The following HHAT variants were observed in gnomAD, a reference collection of about 807,000 sequenced individuals.
The protein encoded by HHAT is hedgehog acyltransferase, also known as protein-cysteine N-palmitoyltransferase HHAT.
Under a neutral mutation model 70.8 loss-of-function variants are expected in HHAT, and 47 were observed. The ratio of observed to expected loss-of-function variants is 0.66; its 90% confidence interval spans 0.53 to 0.85. The LOEUF is 0.85. Among genes scored for constraint, HHAT ranks in the 40% least tolerant of loss-of-function variants. The pLI is 0.00. For missense variants in HHAT, 609 were observed against 604.8 expected (o/e 1.01, Z -0.07); for synonymous variants, 228 against 247.6 (o/e 0.92, Z 0.74).
At chr1:210,426,637 A>G (rs942559836) in intron 7 of HHAT, among the ~76,000 whole-genome samples, 1 of 152,116 alleles carries the variant, frequency 6.6e-6, no homozygotes, top group East Asian at 1.9e-4. Context: ...TTTGTAATGA[A>G]TTACATTTAT....
At chr1:210,509,391 T>TTG (rs1291998470) in intron 8 of HHAT, among the ~76,000 whole-genome samples, 1 of 152,138 alleles carries the variant, frequency 6.6e-6, no homozygotes, top group African/African-American at 2.4e-5. Flanking sequence ...ATAACAAAAC[T>TTG]CAGGAAGTTA....
intron 11 of HHAT, among the ~76,000 whole-genome samples, chr1:210,664,544 T>A (rs1041500413): frequency 6.6e-6 from 1 of 152,202 alleles, no homozygotes; most frequent in African/African-American, 2.4e-5. Context: ...TAGGGTCTGG[T>A]GCATGAGGCA....
chr1:210,385,607 G>T (rs1295887395), intron 3 of HHAT, among the ~76,000 whole-genome samples: 1 of 152,188 alleles, frequency 6.6e-6, no homozygotes, highest in African/African-American at 2.4e-5. Context: ...TTATGAGCAG[G>T]TCATGTATCA....
intron 3 of HHAT, chr1:210,374,264 G>C (rs192434460): frequency 7.9e-4 from 100 of 126,566 alleles, no homozygotes; most frequent in African/African-American, 2.8e-3. Context: ...AGAGAAACCA[G>C]TGTAATGCTA....
chr1:210,496,355 A>C (rs992351406), intron 8 of HHAT, among the ~76,000 whole-genome samples: 8 of 152,184 alleles, frequency 5.3e-5, no homozygotes, highest in Non-Finnish European at 1.5e-5. Context: ...ATGACCTAAG[A>C]CAGAACAAGA....
chr1:210,547,495 G>T (rs769364850), intron 9 of HHAT, among the ~76,000 whole-genome samples: 1 of 152,132 alleles, frequency 6.6e-6, no homozygotes, highest in Non-Finnish European at 1.5e-5. Context: ...AGTAGATCCT[G>T]GTCCCTCAGT....
chr1:210,362,468 GC>G (rs896012039), intron 2 of HHAT, among the ~76,000 whole-genome samples: 1 of 152,080 alleles, frequency 6.6e-6, no homozygotes, highest in Non-Finnish European at 1.5e-5. Flanking sequence ...CTTGTAATCC[GC>G]CCGTCTTGGC....
Position 210,674,641 on chromosome 1 carries a change from A to C in HHAT, c.*262A>C, listed in dbSNP as rs900926863. The C allele has an allele frequency of 1.7e-5, 7 of 413,870 alleles. No individual in the cohort carries two copies. The highest frequency in any genetic ancestry group is 3.0e-5 in the Non-Finnish European group (7 of 232,032). 25.6% of individuals were successfully genotyped at this position (413,870 alleles called of 1,614,324 possible). On this transcript the variant is annotated 3_prime_UTR_variant, in exon 12 of 12. Coordinates refer to ENST00000261458, the MANE Select transcript of HHAT (RefSeq NM_018194.6). ...TCCAGGGCAGTCGTGTGTCTTACCC[A>C]GCTACACAGGGTGACATTTTGGTCT...
intron 10 of HHAT, among the ~76,000 whole-genome samples, chr1:210,602,494 A>T (rs1664497122): frequency 6.6e-6 from 1 of 152,168 alleles, no homozygotes; most frequent in Admixed American, 6.5e-5. Context: ...CGCTACCTGA[A>T]GTCAGGCATG....
intron 11 of HHAT, among the ~76,000 whole-genome samples, chr1:210,644,631 ATAG>A (rs1573963527): frequency 6.7e-6 from 1 of 150,312 alleles, no homozygotes; most frequent in African/African-American, 2.4e-5. Context: ...AAAAAAAGTA[ATAG>A]TAGTCTTGGG....
At chr1:210,545,196 C>T (rs898023314) in intron 9 of HHAT, among the ~76,000 whole-genome samples, 1 of 152,170 alleles carries the variant, frequency 6.6e-6, no homozygotes, top group Admixed American at 6.5e-5. Context: ...ATAAAATTCT[C>T]CTTGTTCAGG....
In HHAT at chr1:210,550,108, A is replaced by C. The variant is rs1182122236; in HGVS notation, c.1043+36920A>C. On this transcript the variant is annotated intron_variant, in intron 9 of 11. Coordinates refer to ENST00000261458, the MANE Select transcript of HHAT (RefSeq NM_018194.6). ...GTTCTTTCTACTTCTGATCATCTAA[A>C]CTCCACTCATCCTTTCATGCCTAGC... 2.7e-5 allele frequency among the ~76,000 whole-genome samples: 4 copies of C among 148,262 alleles called. 1 individual carries two copies. The highest frequency in any genetic ancestry group is 1.0e-4 in the African/African-American group (4 of 39,952).
intron 11 of HHAT, chr1:210,631,011 T>G (rs779898848): frequency 2.9e-5 from 13 of 448,464 alleles, no homozygotes; most frequent in South Asian, 3.2e-5. Flanking sequence ...TTTATTTTTA[T>G]TTTTTTTACT....
chr1:210,595,251 T>C (rs1662701509), intron 10 of HHAT, among the ~76,000 whole-genome samples: 2 of 152,190 alleles, frequency 1.3e-5, no homozygotes, highest in African/African-American at 2.4e-5. Flanking sequence ...TTGCTGAGAA[T>C]GATGGTTTCC....
At chr1:210,361,115 A>G (rs1017340396) in intron 2 of HHAT, among the ~76,000 whole-genome samples, 5 of 152,230 alleles carry the variant, frequency 3.3e-5, no homozygotes, top group African/African-American at 7.2e-5. Flanking sequence ...AATCCCGTGT[A>G]ACTCTGATGT....
At chr1:210,648,150 C>T (rs1674443395) in intron 11 of HHAT, among the ~76,000 whole-genome samples, 1 of 152,194 alleles carries the variant, frequency 6.6e-6, no homozygotes, top group African/African-American at 2.4e-5. Context: ...AGCCACTTGC[C>T]TTTCCCTTTG....
intron 9 of HHAT, among the ~76,000 whole-genome samples, chr1:210,539,612 C>T (rs1291957624): frequency 3.3e-5 from 5 of 152,084 alleles, no homozygotes; most frequent in East Asian, 3.9e-4. Flanking sequence ...TTTGAGGACT[C>T]GAGGTAGAGA....
At position 210,400,493 on chromosome 1, in the gene HHAT, AT is replaced by A; in HGVS notation, c.300del (p.Tyr100Ter). 1 of 1,613,020 alleles carries A rather than the reference AT, an allele frequency of 6.2e-7. No homozygotes were observed. The highest frequency in any genetic ancestry group is 8.5e-7 in the Non-Finnish European group (1 of 1,179,594). On this transcript the variant is annotated frameshift_variant, in exon 5 of 12. Coordinates refer to ENST00000261458, the MANE Select transcript of HHAT (RefSeq NM_018194.6). LOFTEE classifies it high-confidence loss of function. ...RKHRPWILML[Y>X]GMWACWCVLG... is the part of the protein sequence containing the mutation. Reference sequence around the variant, plus strand: ...CACAGACCCTGGATTCTCATGCTCTATGGGATGTGGGCCTGCTGGTGTGTGC... The same window carrying A: ...CACAGACCCTGGATTCTCATGCTCTAGGGATGTGGGCCTGCTGGTGTGTGC...
At chr1:210,374,166 G>C (rs558664595) in intron 3 of HHAT, 2 of 152,090 alleles carry the variant, frequency 1.3e-5, no homozygotes, top group Admixed American at 1.3e-4. Flanking sequence ...GCCTCCCCAG[G>C]GCAAGGCTTA....
Sources: allele counts gnomAD v4.1 joint callset (sites outside exome capture counted in the v4.1 genomes callset), GRCh38; gene constraint gnomAD v4.1.1; transcripts MANE v1.5; gene names NCBI Gene and HGNC (gene_info 2026-07-23, HGNC 2026-07-21).